ARHGAP45: variants seen among roughly 807,000 people sequenced by gnomAD.
ARHGAP45 encodes the protein rho GTPase-activating protein 45.
Under a neutral mutation model 116.1 loss-of-function variants are expected in ARHGAP45, and 56 were observed. The observed-to-expected ratio is 0.48, with a 90% CI of 0.39 to 0.60. The LOEUF (loss-of-function observed/expected upper bound fraction) is 0.60, where lower values mean the gene tolerates loss of function less well. ARHGAP45 is among the 20% of genes least tolerant of loss of function. The probability of loss-of-function intolerance (pLI) is 0.00; values close to 1 mark genes in which losing one functional copy is unlikely to be tolerated. For synonymous variants in ARHGAP45, 866 were observed against 701.7 expected (o/e 1.23, Z -3.70); for missense variants, 1,622 against 1,601.0 (o/e 1.01, Z -0.22).
rs374108878 is a variant in ARHGAP45 at position 1,078,058 on chromosome 19, G to A, written c.1374+13G>A. 1.8e-5 allele frequency: 28 copies of A among 1,545,230 alleles called. No individual in the cohort carries two copies. In the African/African-American group the frequency reaches 3.7e-4, roughly 20 times the overall value. On this transcript the variant is annotated intron_variant, in intron 11 of 22. Transcript: ENST00000313093. ...GGCCAAGAACAAGGTGAGGGCGGGT[G>A]GAGGCAGGGCTGGAGGTCCCTGGAG... is the stretch of plus-strand genomic sequence containing the variant.
Position 1,079,882 on chromosome 19 carries a change from C to A in ARHGAP45, c.1512+42C>A, listed in dbSNP as rs140259319. ...GGCCGCCCGGGCGGGGATGGTGGAC[C>A]GGGCGGCCTCCTCCTGACCCCTCCG... On this transcript the variant is annotated intron_variant, in intron 12 of 22. Transcript: ENST00000313093. 944 of 1,590,626 alleles carry A rather than the reference C, an allele frequency of 5.9e-4. 3 individuals carry two copies. The African/African-American group carries it at 0.011, about 19-fold the overall frequency.
chr19:1,071,214 T>G lies in ARHGAP45; in HGVS notation c.422-1935T>G. 7.0e-7 allele frequency: 1 copy of G among 1,426,654 alleles called. No individual in the cohort carries two copies. Among genetic ancestry groups the G allele is most frequent in the Non-Finnish European group, 9.2e-7 (1 of 1,092,840 alleles). The allele number at this position is 1,426,654 out of a possible 1,614,324, so 88.4% of individuals were successfully genotyped here. On this transcript the variant is annotated intron_variant, in intron 2 of 22. Coordinates refer to ENST00000313093, the MANE Select transcript of ARHGAP45 (RefSeq NM_012292.5). The surrounding 1 kb of genome is among the most constrained non-coding windows in gnomAD (Gnocchi z 4.6). ...GCCTCCTGACCGGCCGGAGCCGGTT[T>G]GGCCACCGGAGACCCCCATCGGTCA...
chr19:1,069,478 G>C lies in ARHGAP45; in HGVS notation c.421+734G>C, dbSNP rs2043099089. On this transcript the variant is annotated intron_variant, in intron 2 of 22. Transcript: ENST00000313093. The surrounding 1 kb of genome is among the most constrained non-coding windows in gnomAD (Gnocchi z 4.1). Reference sequence around the variant, plus strand: ...TGCCAGGCGCTCTGATCTGCTCCCAGCAGCCGCCCATTTTACAGATGACGA... The same window carrying C: ...TGCCAGGCGCTCTGATCTGCTCCCACCAGCCGCCCATTTTACAGATGACGA... 1.3e-5 allele frequency among the ~76,000 whole-genome samples: 2 copies of C among 152,248 alleles called. No individual in the cohort carries two copies. The highest frequency in any genetic ancestry group is 4.8e-5 in the African/African-American group (2 of 41,470).
At position 1,070,121 on chromosome 19, in the gene ARHGAP45, G is replaced by A. The variant is rs531439249; in HGVS notation, c.421+1377G>A. On this transcript the variant is annotated intron_variant, in intron 2 of 22. Coordinates refer to ENST00000313093, the MANE Select transcript of ARHGAP45 (RefSeq NM_012292.5). ...AGTGATTCTTCTGCCTCAGGCTCCCGAGTAGCTAGGACTACAGGTGCGTGC... is the reference window on the plus strand; with the variant it reads ...AGTGATTCTTCTGCCTCAGGCTCCCAAGTAGCTAGGACTACAGGTGCGTGC... 1.1e-4 allele frequency among the ~76,000 whole-genome samples: 17 copies of A among 151,396 alleles called. No homozygotes were observed. The South Asian group carries it at 3.3e-3, about 30-fold the overall frequency.
In ARHGAP45 at chr19:1,068,025, G is replaced by A. The variant is rs567772198; in HGVS notation, c.91-389G>A. 1.3e-5 allele frequency among the ~76,000 whole-genome samples: 2 copies of A among 152,080 alleles called. No individual in the cohort carries two copies. The highest frequency in any genetic ancestry group is 4.8e-5 in the African/African-American group (2 of 41,490). ...CCTGGGGCTGCCCATAGGCTCTGGG[G>A]TTCCATGGACCTTTAGGGGACAGAC... On this transcript the variant is annotated intron_variant, in intron 1 of 22. Transcript: ENST00000313093. This position sits in a 1 kb window ranked among gnomAD's most constrained non-coding sequence, Gnocchi z 7.5.
chr19:1,072,558 G>A (rs1449690046), intron 2 of ARHGAP45, among the ~76,000 whole-genome samples: 2 of 152,180 alleles, frequency 1.3e-5, no homozygotes, highest in Non-Finnish European at 2.9e-5. Context: ...CCTGGCTGAG[G>A]AGGGCAGTGA....
intron 22 of ARHGAP45, 76 bp downstream of exon 22, chr19:1,084,422 G>GT: frequency 2.6e-6 from 3 of 1,138,874 alleles, no homozygotes; most frequent in Non-Finnish European, 3.9e-6. Context: ...CCATGACCTA[G>GT]TTGTACACAC....
At position 1,081,039 on chromosome 19, in the gene ARHGAP45, A is replaced by C. The variant is rs1228123128; in HGVS notation, c.2165A>C (p.Tyr722Ser). The C allele has an allele frequency of 1.2e-6, 2 of 1,608,580 alleles. No individual in the cohort carries two copies. The highest frequency in any genetic ancestry group is 1.7e-6 in the Non-Finnish European group (2 of 1,178,544). ...AKCRECNSYV[Y>S]FQGAECEECC... ...TGCCGCGAGTGCAACAGCTACGTCTACTTCCAGGGTGCTGAGTGTGAAGAG... is the reference window on the plus strand; with the variant it reads ...TGCCGCGAGTGCAACAGCTACGTCTCCTTCCAGGGTGCTGAGTGTGAAGAG... Residue 722 changes from tyrosine (Y) to serine (S), a missense_variant, in exon 17 of 23, where the codon TAC (tyrosine) becomes TCC (serine). By Grantham distance (144) the Tyr-to-Ser change is moderately radical. This residue lies in a region of ARHGAP45 where 1,334 missense variants were observed against 1,263.8 expected (regional missense o/e 1.06). Transcript: ENST00000313093.
chr19:1,081,152 T>C, intron 17 of ARHGAP45, 88 bp downstream of exon 17: 1 of 1,415,378 alleles, frequency 7.1e-7, no homozygotes. Context: ...CTCAGGAATG[T>C]CCGGCCCAGA....
At chr19:1,066,981 G>A (rs2043043756), upstream of ARHGAP45, among the ~76,000 whole-genome samples, 1 of 152,174 alleles carries the variant, frequency 6.6e-6, no homozygotes, top group Non-Finnish European at 1.5e-5. Flanking sequence ...GCACGTGTCT[G>A]TGCACGCCCA....
Position 1,081,980 on chromosome 19 carries a change from G to GGCCAGGCAGAGCCTGGAAGGGGCGTA in ARHGAP45, c.2517+29_2517+54dup, listed in dbSNP as rs2043451253. 6.2e-7 allele frequency: 1 copy of GGCCAGGCAGAGCCTGGAAGGGGCGTA among 1,604,886 alleles called. No homozygotes were observed. The highest frequency in any genetic ancestry group is 1.3e-5 in the African/African-American group (1 of 74,732). On this transcript the variant is annotated intron_variant, in intron 19 of 22. Transcript: ENST00000313093. ...GCGTCAGGTGAGACCCACCGGTGGT[G>GGCCAGGCAGAGCCTGGAAGGGGCGTA]GCCAGGCAGAGCCTGGAAGGGGCGT...
chr19:1,070,812 G>T (rs914868927), intron 2 of ARHGAP45, among the ~76,000 whole-genome samples: 2 of 152,076 alleles, frequency 1.3e-5, no homozygotes, highest in African/African-American at 4.8e-5. Context: ...TCTCGGGGCC[G>T]CCCCAGGCCA....
rs1015215154 is a variant in ARHGAP45 at position 1,081,028 on chromosome 19, C to T, written c.2154C>T (p.Asn718=). 6.2e-7 allele frequency: 1 copy of T among 1,609,324 alleles called. No homozygotes were observed. The highest frequency in any genetic ancestry group is 8.5e-7 in the Non-Finnish European group (1 of 1,178,652). Residue 718 remains asparagine, a synonymous_variant, in exon 17 of 23, where the codon AAC becomes AAT. Transcript: ENST00000313093. ...LRTPAKCREC[N]SYVYFQGAEC... Reference sequence around the variant, plus strand: ...CGCCCGCCAAGTGCCGCGAGTGCAACAGCTACGTCTACTTCCAGGGTGCTG... The same window carrying T: ...CGCCCGCCAAGTGCCGCGAGTGCAATAGCTACGTCTACTTCCAGGGTGCTG...
rs1254972583 is a variant in ARHGAP45, at chr19:1,071,785, G to A, written c.422-1364G>A. 3 of 152,240 alleles carry A rather than the reference G, an allele frequency of 2.0e-5. No homozygotes were observed. The highest frequency in any genetic ancestry group is 4.8e-5 in the African/African-American group (2 of 41,438). 9.4% of individuals were successfully genotyped at this position (152,240 alleles called of 1,614,324 possible). On this transcript the variant is annotated intron_variant, in intron 2 of 22. Transcript: ENST00000313093. The surrounding 1 kb of genome is among the most constrained non-coding windows in gnomAD (Gnocchi z 4.6). ...TGACTCGGTCGGTCTCTTCCCGGAG[G>A]TGACATTCACCTGGGGTCTTCGGTG...
chr19:1,067,322 T>C lies in ARHGAP45; in HGVS notation c.-84T>C. On this transcript the variant is annotated 5_prime_UTR_variant, in exon 1 of 23. It removes an upstream start codon present in the reference 5' UTR. Coordinates refer to ENST00000313093, the MANE Select transcript of ARHGAP45 (RefSeq NM_012292.5). ...CTGGGGAGGGGGTGGCCGGCGACAA[T>C]GTGGTCCCGAAGCGGCCAGCGCCGG... The C allele has an allele frequency of 6.9e-7, 1 of 1,441,524 alleles. No homozygotes were observed. Among genetic ancestry groups the C allele is most frequent in the Non-Finnish European group, 9.1e-7 (1 of 1,099,206 alleles). The allele number at this position is 1,441,524 out of a possible 1,614,324, so 89.3% of individuals were successfully genotyped here. A position where few individuals can be genotyped will look rare whatever the true frequency, so the allele number is the denominator to read the frequency against.
At chr19:1,085,509 C>CGCCA in intron 22 of ARHGAP45, 151 bp from the exon 23 acceptor site, 1 of 558,444 alleles carries the variant, frequency 1.8e-6, no homozygotes, top group Non-Finnish European at 3.1e-6. Flanking sequence ...CTTGTCTCTC[C>CGCCA]TCCATCTCTC....
rs2043091019 is a variant in ARHGAP45 at position 1,068,981 on chromosome 19, T to C, written c.421+237T>C. ...ACTTTATTTTTTTTAAAGGATCTGATGGCAATTAGGAGGGAAAGGCAGAGG... is the reference window on the plus strand; with the variant it reads ...ACTTTATTTTTTTTAAAGGATCTGACGGCAATTAGGAGGGAAAGGCAGAGG... On this transcript the variant is annotated intron_variant, in intron 2 of 22. Coordinates refer to ENST00000313093, the MANE Select transcript of ARHGAP45 (RefSeq NM_012292.5). The surrounding 1 kb of genome is among the most constrained non-coding windows in gnomAD (Gnocchi z 7.5). Among the ~76,000 whole-genome samples the C allele has an allele frequency of 1.3e-5, 2 of 151,716 alleles. No homozygotes were observed. Among genetic ancestry groups the C allele is most frequent in the Non-Finnish European group, 2.9e-5 (2 of 67,952 alleles).
chr19:1,074,760 T>C, intron 9 of ARHGAP45, 36 bp downstream of exon 9: 2 of 1,596,348 alleles, frequency 1.3e-6, no homozygotes, highest in Non-Finnish European at 1.7e-6. Context: ...TGGGCGGGGG[T>C]GTCACCGGGG....
intron 17 of ARHGAP45, 150 bp from the exon 18 acceptor site, chr19:1,081,400 G>A (rs553956847): frequency 3.0e-5 from 25 of 841,558 alleles, no homozygotes; most frequent in Admixed American, 9.3e-5. Context: ...TCACCCCTGG[G>A]GTGGAAGCCA....
Sources: gnomAD v4.1 joint callset for allele counts (sites outside exome capture counted in the v4.1 genomes callset) on GRCh38, gnomAD v4.1.1 for gene constraint, gnomAD v4.1.1 regional missense constraint, Gnocchi (gnomAD v3.1) non-coding constraint, MANE v1.5 for transcripts, NCBI Gene and HGNC (gene_info 2026-07-23, HGNC 2026-07-21) for gene names.